Variants in FCRL2 observed in about 807,000 individuals in gnomAD.
The protein encoded by FCRL2 is Fc receptor like 2.
In FCRL2, 48 loss-of-function variants were observed where a neutral mutation model predicts 59.8. The ratio of observed to expected loss-of-function variants is 0.80; its 90% CI spans 0.64 to 1.02. The LOEUF (loss-of-function observed/expected upper bound fraction) is 1.02. Ranked by LOEUF, FCRL2 falls within the 50% of genes least tolerant of loss-of-function variation. The probability of loss-of-function intolerance (pLI) is 0.00; values close to 1 mark genes in which losing one functional copy is unlikely to be tolerated. For synonymous variants in FCRL2, 251 were observed against 229.5 expected (o/e 1.09, Z -0.85); for missense variants, 658 against 597.3 (o/e 1.10, Z -1.06).
chr1:157,762,990 G>T (rs61820006), intron 7 of FCRL2, among the ~76,000 whole-genome samples: 1,663 of 152,312 alleles, frequency 0.011, 13 homozygotes, highest in Non-Finnish European at 0.018. Flanking sequence ...TCATGAAAAT[G>T]CATAGGTAAA....
chr1:157,763,428 G>A (rs1185131509), intron 7 of FCRL2, among the ~76,000 whole-genome samples: 3 of 152,042 alleles, frequency 2.0e-5, no homozygotes, highest in Non-Finnish European at 4.4e-5. Context: ...AGGAGGCTGA[G>A]GCAAGAGAAT....
In FCRL2 at chr1:157,748,929, T is replaced by C; in HGVS notation, c.1339A>G (p.Thr447Ala). 6 of 1,613,936 alleles carry C rather than the reference T, an allele frequency of 3.7e-6. No individual in the cohort carries two copies. The highest frequency in any genetic ancestry group is 1.3e-5 in the African/African-American group (1 of 75,014). ...ATGTCTGGGGTTGGGCTTGAATAGG[T>C]GAACTCTTGAGGATTTGGCCTGGAA... ...GASRPNPQEF[T>A]YSSPTPDMEE... Residue 447 changes from threonine to alanine, a missense_variant, in exon 9 of 12, where the codon ACC (threonine) becomes GCC (alanine). Coordinates refer to ENST00000361516, the MANE Select transcript of FCRL2 (RefSeq NM_030764.4).
At chr1:157,757,330 T>G (rs190735147) in intron 7 of FCRL2, among the ~76,000 whole-genome samples, 1 of 152,274 alleles carries the variant, frequency 6.6e-6, no homozygotes, top group Admixed American at 6.5e-5. Flanking sequence ...GTAATTAATT[T>G]TAAGTGAGAT....
intron 5 of FCRL2, chr1:157,768,075 T>C (rs1649663681): frequency 4.0e-6 from 1 of 249,532 alleles, no homozygotes; most frequent in Non-Finnish European, 7.6e-6. Flanking sequence ...TTGAAGGAGA[T>C]GACATAAAAT....
intron 7 of FCRL2, among the ~76,000 whole-genome samples, chr1:157,754,960 T>G (rs890815735): frequency 1.3e-5 from 2 of 150,998 alleles, no homozygotes; most frequent in African/African-American, 2.4e-5. Flanking sequence ...AGAGAGACTC[T>G]GTCTCAAAAA....
At position 157,745,812 on chromosome 1, in the gene FCRL2, C is replaced by CA. The variant is rs1173764827; in HGVS notation, c.*923dup. ...TTGCAAATACTCATATTTACTATGT[C>CA]AAAAATCACATTTTTGCAACTATAT... On this transcript the variant is annotated 3_prime_UTR_variant, in exon 12 of 12. Transcript: ENST00000361516. 2.0e-5 allele frequency: 3 copies of CA among 152,138 alleles called. No individual in the cohort carries two copies. Among genetic ancestry groups the CA allele is most frequent in the Admixed American group, 6.5e-5 (1 of 15,270 alleles). 9.4% of individuals were successfully genotyped at this position (152,138 alleles called of 1,614,324 possible).
At chr1:157,749,018 G>A (rs931272040) in intron 8 of FCRL2, 58 bp from the exon 9 acceptor site, 8 of 1,464,462 alleles carry the variant, frequency 5.5e-6, no homozygotes, top group Middle Eastern at 3.6e-4. Context: ...GAGAACAGAG[G>A]GGAGACTGGC....
chr1:157,754,295 G>A (rs1481824000), intron 7 of FCRL2, among the ~76,000 whole-genome samples: 1 of 152,154 alleles, frequency 6.6e-6, no homozygotes, highest in Non-Finnish European at 1.5e-5. Flanking sequence ...AAACAAGAAT[G>A]ACCTCTAGTT....
Position 157,746,726 on chromosome 1 carries a change from C to T in FCRL2, c.*10G>A, listed in dbSNP as rs112380707. 45 of 1,613,106 alleles carry T rather than the reference C, an allele frequency of 2.8e-5. No individual in the cohort carries two copies. The highest frequency in any genetic ancestry group is 1.1e-4 in the African/African-American group (8 of 74,960). Reference sequence around the variant, plus strand: ...TTGCTGTTGATCTTCCCTTCTGATTCCTCCAAGTGTTATGATTTCTTCACA... The same window carrying T: ...TTGCTGTTGATCTTCCCTTCTGATTTCTCCAAGTGTTATGATTTCTTCACA... On this transcript the variant is annotated 3_prime_UTR_variant, in exon 12 of 12. Coordinates refer to ENST00000361516, the MANE Select transcript of FCRL2 (RefSeq NM_030764.4).
chr1:157,746,730 C>G lies in FCRL2; in HGVS notation c.*6G>C. On this transcript the variant is annotated 3_prime_UTR_variant, in exon 12 of 12. Coordinates refer to ENST00000361516, the MANE Select transcript of FCRL2 (RefSeq NM_030764.4). ...TGTTGATCTTCCCTTCTGATTCCTCCAAGTGTTATGATTTCTTCACAGAAG... is the reference window on the plus strand; with the variant it reads ...TGTTGATCTTCCCTTCTGATTCCTCGAAGTGTTATGATTTCTTCACAGAAG... The G allele has an allele frequency of 5.6e-6, 9 of 1,613,400 alleles. No homozygotes were observed. In the South Asian group the frequency reaches 9.9e-5, roughly 18 times the overall value.
chr1:157,748,736 TGA>T, intron 9 of FCRL2, 118 bp from the exon 10 acceptor site: 1 of 1,181,378 alleles, frequency 8.5e-7, no homozygotes, highest in Non-Finnish European at 1.3e-6. Flanking sequence ...AACATGATTC[TGA>T]GAGAGTCTGT....
intron 7 of FCRL2, among the ~76,000 whole-genome samples, chr1:157,760,730 A>AGAAAGAAT (rs1649006205): frequency 6.7e-6 from 1 of 149,884 alleles, no homozygotes; most frequent in African/African-American, 2.5e-5. Flanking sequence ...AAAGAAAGAA[A>AGAAAGAAT]GAAAGAAAGA....
chr1:157,751,308 T>A lies in FCRL2; in HGVS notation c.1280-1631A>T, dbSNP rs147560337. Among the ~76,000 whole-genome samples, 839 of 152,306 alleles carry A rather than the reference T, an allele frequency of 5.5e-3. 5 individuals carry two copies. The highest frequency in any genetic ancestry group is 0.019 in the African/African-American group (791 of 41,572). Reference sequence around the variant, plus strand: ...GTCTTAGAGATAGACATTTCTGGGTTGTAAAACTGGCAAGAGGCTAAGAGA... The same window carrying A: ...GTCTTAGAGATAGACATTTCTGGGTAGTAAAACTGGCAAGAGGCTAAGAGA... On this transcript the variant is annotated intron_variant, in intron 7 of 11. Transcript: ENST00000361516.
At position 157,777,103 on chromosome 1, in the gene FCRL2, A is replaced by T; in HGVS notation, c.-30T>A. 1.2e-6 allele frequency: 2 copies of T among 1,614,170 alleles called. No homozygotes were observed. The highest frequency in any genetic ancestry group is 1.1e-5 in the South Asian group (1 of 91,084). ...ACCTAATCCAGCTATTTGAAAAGAG[A>T]TGTACTCTTGGTCACCAACTGGAGA... On this transcript the variant is annotated 5_prime_UTR_variant, in exon 1 of 12. Transcript: ENST00000361516.
rs1220342026 is a variant in FCRL2 at position 157,760,690 on chromosome 1, A to AGAAG, written c.1279+6164_1279+6165insCTTC. 7.9e-3 allele frequency among the ~76,000 whole-genome samples: 888 copies of AGAAG among 112,814 alleles called. 21 individuals are homozygous for AGAAG. Among genetic ancestry groups the AGAAG allele is most frequent in the African/African-American group, 0.029 (770 of 26,310 alleles). The allele number at this position is 112,814 out of a possible 152,430, so 74.0% of individuals were successfully genotyped here. A position where few individuals can be genotyped will look rare whatever the true frequency, so the allele number is the denominator to read the frequency against. ...AGGAAGGAAGGAAGGAAAGAAAGAA[A>AGAAG]GAAAGAAGGAAAGAAAGAAAGAAAG... On this transcript the variant is annotated intron_variant, in intron 7 of 11. Coordinates refer to ENST00000361516, the MANE Select transcript of FCRL2 (RefSeq NM_030764.4).
In FCRL2 at chr1:157,745,848, G is replaced by A. The variant is rs1037595903; in HGVS notation, c.*888C>T. The A allele has an allele frequency of 1.3e-5, 2 of 152,120 alleles. No homozygotes were observed. Among genetic ancestry groups the A allele is most frequent in the Admixed American group, 6.5e-5 (1 of 15,274 alleles). 9.4% of individuals were successfully genotyped at this position (152,120 alleles called of 1,614,324 possible). A position where few individuals can be genotyped will look rare whatever the true frequency, so the allele number is the denominator to read the frequency against. On this transcript the variant is annotated 3_prime_UTR_variant, in exon 12 of 12. Transcript: ENST00000361516. ...TTTTTGCAACTATATGCATACTTTGGTGATATTGCAGGTTCAGTTCCAGAC... is the reference window on the plus strand; with the variant it reads ...TTTTTGCAACTATATGCATACTTTGATGATATTGCAGGTTCAGTTCCAGAC...
In FCRL2 at chr1:157,749,664, G is replaced by T. The variant is rs1165942798; in HGVS notation, c.1293C>A (p.Ala431=). The change falls in exon 8 of 12, where the codon GCC becomes GCA. Residue 431 remains alanine, a synonymous_variant. Coordinates refer to ENST00000361516, the MANE Select transcript of FCRL2 (RefSeq NM_030764.4). ...AGAGTTCTCACCTGGGTTCATTAGT[G>T]GCAGAACTTTCTCCTGAAATGCAAA... The part of the protein sequence containing the change: ...LFHKISGESS[A]TNEPRGASRP... 1 of 1,608,172 alleles carries T rather than the reference G, an allele frequency of 6.2e-7. No homozygotes were observed. The highest frequency in any genetic ancestry group is 2.2e-5 in the East Asian group (1 of 44,780).
intron 8 of FCRL2, 43 bp downstream of exon 8, chr1:157,749,607 G>C (rs1648027897): frequency 6.8e-7 from 1 of 1,476,876 alleles, no homozygotes; most frequent in Non-Finnish European, 9.4e-7. Flanking sequence ...ACTGAATGAA[G>C]GAGACCTCTA....
intron 2 of FCRL2, chr1:157,774,598 G>C: frequency 5.2e-6 from 2 of 385,840 alleles, no homozygotes; most frequent in Non-Finnish European, 1.0e-5. Flanking sequence ...GGAGCCTGCT[G>C]TCTTGGCATG....
Sources: allele counts gnomAD v4.1 joint callset (sites outside exome capture counted in the v4.1 genomes callset), GRCh38; gene constraint gnomAD v4.1.1; transcripts MANE v1.5; gene names NCBI Gene and HGNC (gene_info 2026-07-23, HGNC 2026-07-21).